The following TMEM132D variants were observed in gnomAD, a reference collection of about 807,000 sequenced individuals.
The protein encoded by TMEM132D is mature OL transmembrane protein.
In TMEM132D, 21 loss-of-function variants were observed where a neutral mutation model predicts 62.3. The observed-to-expected ratio is 0.34, with a 90% confidence interval of 0.24 to 0.49. The LOEUF (loss-of-function observed/expected upper bound fraction) is 0.49. Among genes scored for constraint, TMEM132D ranks in the 20% least tolerant of loss-of-function variants. TMEM132D has a pLI of 0.99. For missense variants in TMEM132D, 1,346 were observed against 1,402.8 expected, an observed-to-expected ratio of 0.96 and a Z score of 0.65; for synonymous variants, 621 against 575.6, an observed-to-expected ratio of 1.08 and a Z score of -1.13.
intron 2 of TMEM132D, among the ~76,000 whole-genome samples, chr12:129,616,555 A>G (rs1446349838): frequency 6.6e-6 from 1 of 152,178 alleles, no homozygotes; most frequent in Non-Finnish European, 1.5e-5. Context: ...AAATTGAATC[A>G]TGAGGGTGGT....
intron 1 of TMEM132D, among the ~76,000 whole-genome samples, chr12:129,735,174 T>C (rs981525765): frequency 6.6e-6 from 1 of 152,228 alleles, no homozygotes; most frequent in Non-Finnish European, 1.5e-5. Flanking sequence ...GTTAATGAAA[T>C]TGTGTTACAT....
intron 5 of TMEM132D, among the ~76,000 whole-genome samples, chr12:129,177,058 C>G (rs1017772445): frequency 6.6e-6 from 1 of 152,160 alleles, no homozygotes; most frequent in African/African-American, 2.4e-5. Context: ...TGGAGGCACT[C>G]ACAGTGCTGA....
chr12:129,337,739 C>T lies in TMEM132D; in HGVS notation c.1194G>A (p.Leu398=), dbSNP rs372075134. The part of the protein sequence containing the change: ...EEPGDLPATQ[L]VTWQVEYPGE... ...CGGGGTACTCGACCTGCCACGTGACCAGCTGTGTGGCTGGCAGGTCACCAG... is the reference window on the plus strand; with the variant it reads ...CGGGGTACTCGACCTGCCACGTGACTAGCTGTGTGGCTGGCAGGTCACCAG... Residue 398 remains leucine (L), a synonymous_variant, in exon 4 of 9, where the codon CTG becomes CTA. Coordinates refer to ENST00000422113, the MANE Select transcript of TMEM132D (RefSeq NM_133448.3). The T allele has an allele frequency of 1.6e-5, 26 of 1,614,204 alleles. No homozygotes were observed. The East Asian group carries it at 3.3e-4, about 21-fold the overall frequency.
intron 4 of TMEM132D, among the ~76,000 whole-genome samples, chr12:129,222,892 C>T (rs58576587): frequency 0.32 from 47,952 of 151,722 alleles, 7,908 homozygotes; most frequent in Middle Eastern, 0.42. Flanking sequence ...GCTGAGAGCA[C>T]AGCTCTTAAA....
chr12:129,200,730 C>T (rs924521708), intron 5 of TMEM132D, among the ~76,000 whole-genome samples: 3 of 152,232 alleles, frequency 2.0e-5, no homozygotes, highest in South Asian at 2.1e-4. Context: ...CTCCACCACT[C>T]TCCTCTCCTC....
chr12:129,747,226 T>G (rs1218042383), intron 1 of TMEM132D, among the ~76,000 whole-genome samples: 40 of 13,804 alleles, frequency 2.9e-3, no homozygotes, highest in South Asian at 0.01. Flanking sequence ...CCAGCCACCC[T>G]GTCCTCTTCA....
intron 2 of TMEM132D, among the ~76,000 whole-genome samples, chr12:129,635,357 A>G (rs1879448854): frequency 6.6e-6 from 1 of 152,244 alleles, no homozygotes; most frequent in South Asian, 2.1e-4. Context: ...TTACACAAAC[A>G]ACAAACAGAC....
At chr12:129,206,370 A>G (rs907153103) in intron 5 of TMEM132D, among the ~76,000 whole-genome samples, 3 of 152,244 alleles carry the variant, frequency 2.0e-5, no homozygotes, top group African/African-American at 7.2e-5. Context: ...ATCACTAATC[A>G]TTTGAGAAAT....
chr12:129,484,007 T>A (rs1239021428), intron 3 of TMEM132D, among the ~76,000 whole-genome samples: 1 of 152,208 alleles, frequency 6.6e-6, no homozygotes, highest in African/African-American at 2.4e-5. Flanking sequence ...TCTCACTCTG[T>A]CACTCAGGCT....
At chr12:129,247,865 T>G (rs1054661544) in intron 4 of TMEM132D, among the ~76,000 whole-genome samples, 4 of 60,856 alleles carry the variant, frequency 6.6e-5, no homozygotes, top group African/African-American at 3.3e-4. Flanking sequence ...AATGAGCAGG[T>G]TTTTTTTTTT....
chr12:129,139,059 G>C (rs750624956), intron 5 of TMEM132D, among the ~76,000 whole-genome samples: 3 of 152,140 alleles, frequency 2.0e-5, no homozygotes, highest in Non-Finnish European at 4.4e-5. Flanking sequence ...TTGAAATCGT[G>C]TTTGCAAAAT....
At chr12:129,513,270 C>A (rs937967790) in intron 3 of TMEM132D, among the ~76,000 whole-genome samples, 8 of 152,022 alleles carry the variant, frequency 5.3e-5, no homozygotes, top group East Asian at 1.9e-4. Context: ...TTAAGGGAAC[C>A]TAACCACTCC....
intron 2 of TMEM132D, among the ~76,000 whole-genome samples, chr12:129,638,175 T>C (rs1054484493): frequency 6.6e-6 from 1 of 152,188 alleles, no homozygotes; most frequent in Non-Finnish European, 1.5e-5. Flanking sequence ...GAAAGAATAG[T>C]GGAGAATGGC....
At position 129,903,239 on chromosome 12, in the gene TMEM132D, C is replaced by T; in HGVS notation, c.79+22G>A. 1 of 1,551,522 alleles carries T rather than the reference C, an allele frequency of 6.4e-7. No homozygotes were observed. Among genetic ancestry groups the T allele is most frequent in the Non-Finnish European group, 8.7e-7 (1 of 1,146,976 alleles). ...TCCAGGCGAAGTTAGTCCCCGGGCC[C>T]TGGCGGCCGCGGCGTCCTCACCTTT... is the stretch of plus-strand genomic sequence containing the variant. On this transcript the variant is annotated intron_variant, in intron 1 of 8. Transcript: ENST00000422113. This position sits in a 1 kb window ranked among gnomAD's most constrained non-coding sequence, Gnocchi z 6.2.
intron 2 of TMEM132D, among the ~76,000 whole-genome samples, chr12:129,650,991 T>C (rs1276719641): frequency 1.3e-5 from 2 of 152,220 alleles, no homozygotes; most frequent in Admixed American, 6.5e-5. Flanking sequence ...CTTCTAGCTA[T>C]TGAATCCAAC....
intron 3 of TMEM132D, among the ~76,000 whole-genome samples, chr12:129,516,108 T>C (rs1262750149): frequency 6.6e-6 from 1 of 152,204 alleles, no homozygotes; most frequent in Non-Finnish European, 1.5e-5. Flanking sequence ...CCATTCCATG[T>C]GTGTGGACAT....
chr12:129,836,725 C>T (rs1040941653), intron 1 of TMEM132D, among the ~76,000 whole-genome samples: 2 of 151,900 alleles, frequency 1.3e-5, no homozygotes, highest in African/African-American at 4.8e-5. Context: ...GCCCCCAAAA[C>T]CATAAAAAGA....
chr12:129,312,925 G>C (rs796723452), intron 4 of TMEM132D, among the ~76,000 whole-genome samples: 1 of 152,200 alleles, frequency 6.6e-6, no homozygotes, highest in Non-Finnish European at 1.5e-5. Context: ...TGTAAAGGTG[G>C]AACTATTAGG....
At chr12:129,583,291 AG>A (rs1877930782) in intron 2 of TMEM132D, among the ~76,000 whole-genome samples, 1 of 152,186 alleles carries the variant, frequency 6.6e-6, no homozygotes, top group East Asian at 1.9e-4. Flanking sequence ...GCAAAACTAT[AG>A]TGATGGGAAG....
Sources: gnomAD v4.1 joint callset for allele counts (sites outside exome capture counted in the v4.1 genomes callset) on GRCh38, gnomAD v4.1.1 for gene constraint, Gnocchi (gnomAD v3.1) non-coding constraint, MANE v1.5 for transcripts, NCBI Gene and HGNC (gene_info 2026-07-23, HGNC 2026-07-21) for gene names.